The following ADGRL2 variants were observed in gnomAD, a reference collection of about 807,000 sequenced individuals.
ADGRL2 encodes adhesion G protein-coupled receptor L2.
Under a neutral mutation model 157.4 loss-of-function variants are expected in ADGRL2, and 44 were observed. The observed-to-expected ratio is 0.28, with a 90% CI of 0.22 to 0.36. ADGRL2 has a LOEUF of 0.36. Among genes scored for constraint, ADGRL2 ranks in the 10% least tolerant of loss-of-function variants. The pLI, the probability that ADGRL2 is intolerant of heterozygous loss-of-function variation, is 1.00. For missense variants in ADGRL2, 1,510 were observed against 1,768.9 expected, an observed-to-expected ratio of 0.85 and a Z score of 2.63; for synonymous variants, 585 against 624.7, an observed-to-expected ratio of 0.94 and a Z score of 0.95.
intron 3 of ADGRL2, among the ~76,000 whole-genome samples, chr1:81,646,365 T>C (rs1466731109): frequency 2.0e-5 from 3 of 152,198 alleles, no homozygotes; most frequent in Non-Finnish European, 2.9e-5. Flanking sequence ...TATCACACTA[T>C]TGAGTAAAGG....
intron 2 of ADGRL2, among the ~76,000 whole-genome samples, chr1:81,874,961 C>T (rs2093798256): frequency 6.6e-6 from 1 of 152,096 alleles, no homozygotes; most frequent in Admixed American, 6.6e-5. Flanking sequence ...CCCACCTCAG[C>T]CTCCCAATGT....
chr1:81,511,201 T>A (rs2079068698), intron 2 of ADGRL2, among the ~76,000 whole-genome samples: 1 of 151,798 alleles, frequency 6.6e-6, no homozygotes, highest in Non-Finnish European at 1.5e-5. Flanking sequence ...ACAAAATCCT[T>A]CTAAAACCGG....
chr1:81,839,602 C>G (rs1427340199), intron 2 of ADGRL2, among the ~76,000 whole-genome samples: 1 of 151,762 alleles, frequency 6.6e-6, no homozygotes, highest in Middle Eastern at 3.2e-3. Flanking sequence ...CATAGCTTAG[C>G]TCCTACATAT....
intron 13 of ADGRL2, 97 bp downstream of exon 13, chr1:81,966,706 A>C: frequency 1.0e-6 from 1 of 1,001,860 alleles, no homozygotes; most frequent in Non-Finnish European, 1.6e-6. Context: ...AGAACTGGGG[A>C]GATGGGAGGG....
At chr1:81,919,670 C>A (rs1372245092) in intron 3 of ADGRL2, among the ~76,000 whole-genome samples, 1 of 151,326 alleles carries the variant, frequency 6.6e-6, no homozygotes, top group East Asian at 1.9e-4. Context: ...ATTTGATTAT[C>A]TTATGACATC....
intron 3 of ADGRL2, among the ~76,000 whole-genome samples, chr1:81,669,898 A>G (rs1270900462): frequency 1.3e-5 from 2 of 151,082 alleles, no homozygotes; most frequent in African/African-American, 2.4e-5. Context: ...AGTCGAGATC[A>G]AGCCACTGCA....
chr1:81,678,900 A>G (rs2083050400), intron 3 of ADGRL2, among the ~76,000 whole-genome samples: 1 of 152,220 alleles, frequency 6.6e-6, no homozygotes, highest in Non-Finnish European at 1.5e-5. Flanking sequence ...CATAGTGCTG[A>G]CAGTGAATAA....
At chr1:81,311,821 G>T (rs889458341) in intron 1 of ADGRL2, among the ~76,000 whole-genome samples, 1 of 152,140 alleles carries the variant, frequency 6.6e-6, no homozygotes, top group African/African-American at 2.4e-5. Flanking sequence ...GTTAAAAGGA[G>T]AGGCAACTGG....
chr1:81,443,263 A>G (rs1007002095), intron 1 of ADGRL2, among the ~76,000 whole-genome samples: 2 of 152,092 alleles, frequency 1.3e-5, no homozygotes, highest in Admixed American at 6.6e-5. Context: ...TCTACTAAAA[A>G]TACAAAAAAT....
intron 1 of ADGRL2, among the ~76,000 whole-genome samples, chr1:81,353,053 T>C (rs1412153310): frequency 6.6e-6 from 1 of 152,188 alleles, no homozygotes; most frequent in Non-Finnish European, 1.5e-5. Flanking sequence ...GCTTACTACA[T>C]AGTGGGCAAT....
intron 1 of ADGRL2, among the ~76,000 whole-genome samples, chr1:81,322,990 T>C (rs1277709744): frequency 6.6e-6 from 1 of 151,960 alleles, no homozygotes; most frequent in East Asian, 2.0e-4. Context: ...CCTGAATAGT[T>C]GGGACTACAT....
rs1662196774 is a variant in ADGRL2 at position 81,343,080 on chromosome 1, CTT to C, written c.-302+36576_-302+36577del. On this transcript the variant is annotated intron_variant, in intron 1 of 24. Transcript: ENST00000370721. ...TTCTCTTTTTTTCTTTTCTTTTTTT[CTT>C]TTTTCTTTTCTTTTTTTTTTTTTTG... 7.2e-5 allele frequency among the ~76,000 whole-genome samples: 8 copies of C among 111,400 alleles called. No individual in the cohort carries two copies. The South Asian group carries it at 2.1e-3, about 29-fold the overall frequency. The allele number at this position is 111,400 out of a possible 152,430, so 73.1% of individuals were successfully genotyped here. A position where few individuals can be genotyped will look rare whatever the true frequency, so the allele number is the denominator to read the frequency against.
chr1:81,644,164 C>T (rs1468916008), intron 3 of ADGRL2, among the ~76,000 whole-genome samples: 1 of 152,166 alleles, frequency 6.6e-6, no homozygotes, highest in Non-Finnish European at 1.5e-5. Context: ...CAACTGACAT[C>T]TACATGTAAA....
intron 3 of ADGRL2, among the ~76,000 whole-genome samples, chr1:81,934,143 T>C (rs2095275402): frequency 6.6e-6 from 1 of 152,092 alleles, no homozygotes; most frequent in Non-Finnish European, 1.5e-5. Flanking sequence ...AGTGGATGCT[T>C]TGTGTAATGT....
intron 1 of ADGRL2, among the ~76,000 whole-genome samples, chr1:81,421,157 A>G (rs2101542026): frequency 6.6e-6 from 1 of 152,270 alleles, no homozygotes; most frequent in Non-Finnish European, 1.5e-5. Context: ...TTAGAGCCTC[A>G]TTTTTTTCTC....
intron 1 of ADGRL2, among the ~76,000 whole-genome samples, chr1:81,346,486 G>A (rs372798377): frequency 6.6e-6 from 1 of 152,148 alleles, no homozygotes; most frequent in South Asian, 2.1e-4. Context: ...TATATTGGAA[G>A]CCTAACCCTG....
intron 2 of ADGRL2, among the ~76,000 whole-genome samples, chr1:81,885,966 T>G (rs2094119259): frequency 6.6e-6 from 1 of 152,186 alleles, no homozygotes; most frequent in South Asian, 2.1e-4. Flanking sequence ...TAACTGAAAT[T>G]AACTGGATCT....
chr1:81,838,109 A>G (rs958993396), intron 2 of ADGRL2, among the ~76,000 whole-genome samples: 11 of 152,012 alleles, frequency 7.2e-5, no homozygotes, highest in Admixed American at 5.9e-4. Flanking sequence ...CATACTGTCA[A>G]CTAATAGAAG....
At chr1:81,615,573 A>C (rs1239628602) in intron 3 of ADGRL2, among the ~76,000 whole-genome samples, 2 of 152,200 alleles carry the variant, frequency 1.3e-5, no homozygotes, top group Admixed American at 6.5e-5. Flanking sequence ...ACCATCTTTA[A>C]GAACTGTAAC....
Sources: allele counts gnomAD v4.1 joint callset (sites outside exome capture counted in the v4.1 genomes callset), GRCh38; gene constraint gnomAD v4.1.1; transcripts MANE v1.5; gene names NCBI Gene and HGNC (gene_info 2026-07-23, HGNC 2026-07-21).